Variants in RABGEF1 observed in about 807,000 individuals in gnomAD.
RABGEF1 encodes the protein rab5 GDP/GTP exchange factor.
Under a neutral mutation model 57.3 loss-of-function variants are expected in RABGEF1, and 26 were observed. That is an observed-to-expected ratio of 0.45 (90% CI 0.33 to 0.63). The LOEUF (loss-of-function observed/expected upper bound fraction) is 0.63, where lower values mean the gene tolerates loss of function less well. Ranked by LOEUF, RABGEF1 falls within the 20% of genes least tolerant of loss-of-function variation. The probability of loss-of-function intolerance (pLI) is 0.02; values close to 1 mark genes in which losing one functional copy is unlikely to be tolerated. For synonymous variants in RABGEF1, 185 were observed against 210.7 expected (o/e 0.88, Z 1.06); for missense variants, 464 against 607.6 (o/e 0.76, Z 2.48).
chr7:66,730,333 A>AG (rs1491577697), intron 2 of RABGEF1, among the ~76,000 whole-genome samples: 2 of 150,730 alleles, frequency 1.3e-5, no homozygotes, highest in African/African-American at 2.5e-5. Flanking sequence ...ATCTATCGAC[A>AG]GGGGATAAAC....
At chr7:66,800,647 A>G (rs888127637) in intron 7 of RABGEF1, among the ~76,000 whole-genome samples, 3 of 152,198 alleles carry the variant, frequency 2.0e-5, no homozygotes, top group African/African-American at 7.2e-5. Context: ...AAGCCTGAAT[A>G]TGGACCTGGG....
intron 1 of RABGEF1, among the ~76,000 whole-genome samples, chr7:66,692,747 C>G (rs746935502): frequency 3.3e-5 from 5 of 151,534 alleles, no homozygotes; most frequent in Non-Finnish European, 7.4e-5. Flanking sequence ...TCCTACATCC[C>G]CCTGAGCCTA....
chr7:66,750,329 GTTAC>G (rs1801129068), intron 1 of RABGEF1, among the ~76,000 whole-genome samples: 1 of 152,172 alleles, frequency 6.6e-6, no homozygotes, highest in Non-Finnish European at 1.5e-5. Flanking sequence ...TTGTTAAGGT[GTTAC>G]TTGCCCCAGG....
chr7:66,807,502 T>C (rs1254480555), intron 8 of RABGEF1, among the ~76,000 whole-genome samples: 1 of 152,214 alleles, frequency 6.6e-6, no homozygotes, highest in Non-Finnish European at 1.5e-5. Flanking sequence ...TGCATCTCTC[T>C]TCCTGCACCA....
intron 4 of RABGEF1, among the ~76,000 whole-genome samples, chr7:66,788,639 C>T (rs1040876821): frequency 6.6e-6 from 1 of 152,076 alleles, no homozygotes; most frequent in Non-Finnish European, 1.5e-5. Context: ...CACAACATAA[C>T]ACCTTTTGCT....
At chr7:66,795,481 A>G (rs1379453525) in intron 4 of RABGEF1, 30 bp from the exon 5 acceptor site, 2 of 1,556,556 alleles carry the variant, frequency 1.3e-6, no homozygotes, top group Non-Finnish European at 1.8e-6. Flanking sequence ...TTGTTCAGCT[A>G]CAAGCAGCCT....
At chr7:66,752,364 G>A (rs561152031) in intron 1 of RABGEF1, among the ~76,000 whole-genome samples, 1 of 151,904 alleles carries the variant, frequency 6.6e-6, no homozygotes, top group African/African-American at 2.4e-5. Flanking sequence ...GTATGGTGGC[G>A]GGCACCTGTA....
At position 66,767,055 on chromosome 7, in the gene RABGEF1, T is replaced by C. The variant is rs1482786891; in HGVS notation, c.-17-4828T>C. 5.3e-4 allele frequency among the ~76,000 whole-genome samples: 77 copies of C among 145,670 alleles called. 1 individual carries two copies. Among genetic ancestry groups the C allele is most frequent in the East Asian group, 2.0e-4 (1 of 4,920 alleles). On this transcript the variant is annotated intron_variant, in intron 1 of 8. Coordinates refer to ENST00000284957, the MANE Select transcript of RABGEF1 (RefSeq NM_014504.3). ...TCTCCCTCTGTTGCCCAGGCTGGAG[T>C]GCAATGGCATGATCTTGGCTCACTG...
Position 66,810,262 on chromosome 7 carries a change from A to G in RABGEF1, c.*978A>G, listed in dbSNP as rs1340057312. 6.6e-6 allele frequency: 1 copy of G among 152,178 alleles called. No homozygotes were observed. The highest frequency in any genetic ancestry group is 1.5e-5 in the Non-Finnish European group (1 of 68,042). The allele number at this position is 152,178 out of a possible 1,614,324, so 9.4% of individuals were successfully genotyped here. ...ATGTTTTCTGAACCTTTTTCAGGAC[A>G]TTTCAACCTCGGGACTATTCATATT... On this transcript the variant is annotated 3_prime_UTR_variant, in exon 9 of 9. Transcript: ENST00000284957.
At chr7:66,783,891 G>C (rs1458060990) in intron 4 of RABGEF1, 50 bp downstream of exon 4, 6 of 1,531,112 alleles carry the variant, frequency 3.9e-6, no homozygotes. Context: ...TTTGAGGAAA[G>C]GTCTTAGAGA....
chr7:66,790,448 A>G (rs2129158957), intron 4 of RABGEF1, among the ~76,000 whole-genome samples: 1 of 152,320 alleles, frequency 6.6e-6, no homozygotes, highest in Admixed American at 6.5e-5. Context: ...CATCACACTT[A>G]TGAACTACAG....
intron 7 of RABGEF1, 68 bp from the exon 8 acceptor site, chr7:66,805,071 AT>A (rs1292374932): frequency 1.3e-6 from 2 of 1,490,118 alleles, no homozygotes; most frequent in East Asian, 4.6e-5. Flanking sequence ...GAGATAAAAC[AT>A]GATTTTCCTA....
intron 1 of RABGEF1, among the ~76,000 whole-genome samples, chr7:66,705,443 A>AAGAGAG (rs57856916): frequency 0.012 from 821 of 66,036 alleles, 25 homozygotes; most frequent in African/African-American, 0.036. Context: ...TCTCGAAAGA[A>AAGAGAG]AGAGAGAGAG....
At chr7:66,797,312 A>T in intron 5 of RABGEF1, 62 bp from the exon 6 acceptor site, 1 of 1,434,584 alleles carries the variant, frequency 7.0e-7, no homozygotes, top group African/African-American at 1.5e-5. Flanking sequence ...TTTGCAAAAA[A>T]AAAAAAAAAG....
chr7:66,698,104 C>G (rs192015030), intron 1 of RABGEF1, among the ~76,000 whole-genome samples: 17 of 151,998 alleles, frequency 1.1e-4, no homozygotes, highest in Non-Finnish European at 2.1e-4. Context: ...GCCACGCACC[C>G]CCCCCACCCT....
chr7:66,676,589 G>C, the RABGEF1 span, among the ~76,000 whole-genome samples: 9 of 152,280 alleles, frequency 5.9e-5, no homozygotes, highest in African/African-American at 2.2e-4. Flanking sequence ...CCATTCTGGG[G>C]ATTGCCTTTT....
intron 4 of RABGEF1, among the ~76,000 whole-genome samples, chr7:66,792,341 A>G (rs1039871625): frequency 1.3e-4 from 20 of 152,224 alleles, no homozygotes; most frequent in Admixed American, 9.2e-4. Flanking sequence ...GCAGGCTAAC[A>G]AATTAACCTG....
At chr7:66,751,786 GT>G (rs1801486635) in intron 1 of RABGEF1, among the ~76,000 whole-genome samples, 1 of 152,192 alleles carries the variant, frequency 6.6e-6, no homozygotes, top group Admixed American at 6.5e-5. Flanking sequence ...GAGGCTTTTA[GT>G]TTTGTTTTGA....
intron 2 of RABGEF1, among the ~76,000 whole-genome samples, chr7:66,723,409 T>C (rs554942832): frequency 1.3e-5 from 2 of 152,350 alleles, no homozygotes; most frequent in East Asian, 3.9e-4. Context: ...CAATCTACCC[T>C]TACGTTGCGT....
Sources: allele counts gnomAD v4.1 joint callset (sites outside exome capture counted in the v4.1 genomes callset), GRCh38; gene constraint gnomAD v4.1.1; transcripts MANE v1.5; gene names NCBI Gene and HGNC (gene_info 2026-07-23, HGNC 2026-07-21).